Variants in KIF1A observed in about 807,000 individuals in gnomAD.
KIF1A encodes the protein kinesin family member 1A, also known as kinesin-like protein KIF1A.
Under a neutral mutation model 227.3 loss-of-function variants are expected in KIF1A, and 46 were observed. That is an observed-to-expected ratio of 0.20 (90% CI 0.16 to 0.26). The LOEUF is 0.26. Ranked by LOEUF, KIF1A falls within the 10% of genes least tolerant of loss-of-function variation. KIF1A has a pLI of 1.00. For missense variants in KIF1A, 1,683 were observed against 2,485.9 expected, an observed-to-expected ratio of 0.68 and a Z score of 6.87; for synonymous variants, 1,022 against 1,012.8, an observed-to-expected ratio of 1.01 and a Z score of -0.17.
chr2:240,767,199 G>T, intron 18 of KIF1A, 67 bp downstream of exon 18: 1 of 1,381,408 alleles, frequency 7.2e-7, no homozygotes, highest in Non-Finnish European at 1.0e-6. Context: ...GGAATGGGGA[G>T]TCCAGCCTTC....
chr2:240,754,314 G>A (rs375365165), intron 27 of KIF1A, among the ~76,000 whole-genome samples: 1 of 151,710 alleles, frequency 6.6e-6, no homozygotes, highest in Non-Finnish European at 1.5e-5. Context: ...CCAGGCCACC[G>A]GTGGGACATG....
intron 20 of KIF1A, among the ~76,000 whole-genome samples, chr2:240,764,288 C>G (rs2050878654): frequency 6.6e-6 from 1 of 152,178 alleles, no homozygotes; most frequent in African/African-American, 2.4e-5. Context: ...AAACCCCAAG[C>G]TAAGGCCTCT....
At position 240,778,032 on chromosome 2, in the gene KIF1A, C is replaced by T. The variant is rs111856204; in HGVS notation, c.883-2106G>A. On this transcript the variant is annotated intron_variant, in intron 10 of 48. Coordinates refer to ENST00000498729, the MANE Select transcript of KIF1A (RefSeq NM_001244008.2). This position sits in a 1 kb window ranked among gnomAD's most constrained non-coding sequence, Gnocchi z 7.2. Reference sequence around the variant, plus strand: ...CCCGCACGGTTCCCACGCGGCTGCTCGCAGCTCACCACACAGTTCCTCAGC... The same window carrying T: ...CCCGCACGGTTCCCACGCGGCTGCTTGCAGCTCACCACACAGTTCCTCAGC... Among the ~76,000 whole-genome samples the T allele has an allele frequency of 2.6e-5, 4 of 152,178 alleles. No individual in the cohort carries two copies. The highest frequency in any genetic ancestry group is 9.6e-5 in the African/African-American group (4 of 41,452).
chr2:240,724,715 G>A (rs1167744149), intron 40 of KIF1A: 3 of 161,134 alleles, frequency 1.9e-5, no homozygotes, highest in East Asian at 1.9e-4. Flanking sequence ...TCAGGAGCGT[G>A]TTCAGCACGC....
At chr2:240,767,435 G>A (rs2125928107) in intron 17 of KIF1A, 90 bp from the exon 18 acceptor site, 1 of 1,082,478 alleles carries the variant, frequency 9.2e-7, no homozygotes, top group South Asian at 1.3e-5. Context: ...CCAGGCACCA[G>A]ACTACCACCA....
intron 33 of KIF1A, among the ~76,000 whole-genome samples, chr2:240,743,638 TC>T (rs1283858507): frequency 1.3e-5 from 2 of 151,746 alleles, no homozygotes; most frequent in Non-Finnish European, 2.9e-5. Context: ...AGAAGTGGTC[TC>T]CCCGGGGCCA....
chr2:240,769,029 G>A (rs1460686269), intron 17 of KIF1A, 104 bp downstream of exon 17: 47 of 993,114 alleles, frequency 4.7e-5, no homozygotes, highest in South Asian at 1.1e-4. Context: ...GAGCCCCACC[G>A]TGCTCCCCTA....
At chr2:240,750,837 C>T (rs554234188) in intron 27 of KIF1A, among the ~76,000 whole-genome samples, 191 of 152,266 alleles carry the variant, frequency 1.3e-3, no homozygotes, top group African/African-American at 4.4e-3. Flanking sequence ...AGGGAGCAGC[C>T]GAGGAGGGAG....
chr2:240,727,907 A>G (rs551162796), intron 38 of KIF1A, among the ~76,000 whole-genome samples: 1 of 152,284 alleles, frequency 6.6e-6, no homozygotes, highest in South Asian at 2.1e-4. Context: ...AGGACTGGTC[A>G]TACCCGAGGT....
intron 38 of KIF1A, among the ~76,000 whole-genome samples, chr2:240,727,670 T>C (rs921387174): frequency 1.3e-5 from 2 of 152,108 alleles, no homozygotes; most frequent in African/African-American, 4.8e-5. Context: ...CCTGGAGTTA[T>C]GATGAGCACG....
At chr2:240,761,522 G>T (rs1291882148) in intron 23 of KIF1A, 145 bp from the exon 24 acceptor site, 2 of 662,990 alleles carry the variant, frequency 3.0e-6, no homozygotes, top group Admixed American at 7.3e-5. Context: ...CGGCCGGGTG[G>T]TTATCAGGTA....
chr2:240,808,729 T>A (rs1232620433), intron 1 of KIF1A, among the ~76,000 whole-genome samples: 1 of 151,830 alleles, frequency 6.6e-6, no homozygotes, highest in Non-Finnish European at 1.5e-5. Context: ...GGAATAAATG[T>A]CACTAACTTT....
rs145964519 is a variant in KIF1A at position 240,734,291 on chromosome 2, C to T, written c.4007+2772G>A. 7.9e-5 allele frequency among the ~76,000 whole-genome samples: 12 copies of T among 152,300 alleles called. No homozygotes were observed. In the East Asian group the frequency reaches 1.5e-3, roughly 20 times the overall value. ...ACAGCCCCTTGCAGGGAGAGGGGAGCGGGGCTGGTCCTCACAGGGTGGTGC... is the reference window on the plus strand; with the variant it reads ...ACAGCCCCTTGCAGGGAGAGGGGAGTGGGGCTGGTCCTCACAGGGTGGTGC... On this transcript the variant is annotated intron_variant, in intron 38 of 48. Coordinates refer to ENST00000498729, the MANE Select transcript of KIF1A (RefSeq NM_001244008.2).
At chr2:240,780,104 G>A (rs1053467271) in intron 10 of KIF1A, among the ~76,000 whole-genome samples, 12 of 151,852 alleles carry the variant, frequency 7.9e-5, no homozygotes, top group Admixed American at 3.3e-4. Context: ...GTTCCCGCAC[G>A]CTTCCCCACA....
Position 240,783,649 on chromosome 2 carries a change from C to A in KIF1A, c.798+90G>T, listed in dbSNP as rs949735797. ...AGGCTCACCCTCAGGGTGGCCCAGGCCCCCGGGACCCCAACAGAGCCCTCC... is the reference window on the plus strand; with the variant it reads ...AGGCTCACCCTCAGGGTGGCCCAGGACCCCGGGACCCCAACAGAGCCCTCC... On this transcript the variant is annotated intron_variant, in intron 8 of 48. Coordinates refer to ENST00000498729, the MANE Select transcript of KIF1A (RefSeq NM_001244008.2). 7.8e-6 allele frequency: 8 copies of A among 1,027,444 alleles called. No homozygotes were observed. The African/African-American group carries it at 9.5e-5, about 12-fold the overall frequency. The allele number at this position is 1,027,444 out of a possible 1,614,324, so 63.6% of individuals were successfully genotyped here.
At chr2:240,763,465 T>A (rs1412878272) in intron 20 of KIF1A, 119 bp from the exon 21 acceptor site, 2 of 902,150 alleles carry the variant, frequency 2.2e-6, no homozygotes, top group Non-Finnish European at 3.3e-6. Flanking sequence ...CATCCCCAGC[T>A]CCCAGCCACT....
rs2044674684 is a variant in KIF1A at position 240,717,312 on chromosome 2, G to A, written c.*52C>T. ...GGCGGCAGGTGACAGGACAGACGAG[G>A]ATGAGGGAGGGGATGGGCTGGGCCT... On this transcript the variant is annotated 3_prime_UTR_variant, in exon 49 of 49. Coordinates refer to ENST00000498729, the MANE Select transcript of KIF1A (RefSeq NM_001244008.2). 3.2e-6 allele frequency: 5 copies of A among 1,551,146 alleles called. No individual in the cohort carries two copies. The highest frequency in any genetic ancestry group is 4.4e-6 in the Non-Finnish European group (5 of 1,127,780).
rs780110910 is a variant in KIF1A at position 240,746,064 on chromosome 2, A to G, written c.3177T>C (p.Asp1059=). The G allele has an allele frequency of 1.2e-6, 2 of 1,604,812 alleles. No homozygotes were observed. The highest frequency in any genetic ancestry group is 1.7e-6 in the Non-Finnish European group (2 of 1,176,262). ...GQGADVGPSA[D]EVNNNTCSAV... is the part of the protein sequence containing the mutation. ...CTGAACAGGTGTTGTTGTTGACTTC[A>G]TCGGCTGAGGGCCCCACGTCTGCAC... Residue 1059 remains aspartate, a synonymous_variant, in exon 30 of 49, where the codon GAT becomes GAC. Transcript: ENST00000498729.
At chr2:240,743,810 C>A (rs1239054892) in intron 33 of KIF1A, 132 bp downstream of exon 33, 5 of 620,206 alleles carry the variant, frequency 8.1e-6, no homozygotes, top group Non-Finnish European at 1.4e-5. Context: ...GGGCAAAAGG[C>A]CTCCTGGATG....
Sources: gnomAD v4.1 joint callset for allele counts (sites outside exome capture counted in the v4.1 genomes callset) on GRCh38, gnomAD v4.1.1 for gene constraint, Gnocchi (gnomAD v3.1) non-coding constraint, MANE v1.5 for transcripts, NCBI Gene and HGNC (gene_info 2026-07-23, HGNC 2026-07-21) for gene names.